LY6S: variants seen among roughly 807,000 people sequenced by gnomAD.
LY6S encodes lymphocyte antigen 6S.
chr8:143,045,044 G>A, the LY6S span, among the ~76,000 whole-genome samples: 1 of 152,182 alleles, frequency 6.6e-6, no homozygotes, highest in African/African-American at 2.4e-5. The surrounding 1 kb of genome is among the most constrained non-coding windows in gnomAD (Gnocchi z 5.3). Flanking sequence ...CAATGCCAAA[G>A]GCATACACGT....
chr8:143,074,479 T>G, the LY6S span, among the ~76,000 whole-genome samples: 1 of 152,220 alleles, frequency 6.6e-6, no homozygotes, highest in Non-Finnish European at 1.5e-5. Flanking sequence ...CAATGAGTTC[T>G]TAATTTCAGG....
At chr8:143,070,326 G>C in the LY6S span, among the ~76,000 whole-genome samples, 1,389 of 145,660 alleles carry the variant, frequency 9.5e-3, 25 homozygotes, top group African/African-American at 0.034. Context: ...GGGGGGCACA[G>C]TTCAGCCATA....
chr8:143,048,428 G>T, the LY6S span, among the ~76,000 whole-genome samples: 1 of 150,838 alleles, frequency 6.6e-6, no homozygotes. Flanking sequence ...CGTGGCCATT[G>T]TGATTTATTG....
At chr8:143,060,862 T>C in the LY6S span, among the ~76,000 whole-genome samples, 2 of 152,184 alleles carry the variant, frequency 1.3e-5, no homozygotes, top group African/African-American at 2.4e-5. Context: ...AAGATGCATA[T>C]TGTAATGTCT....
At chr8:143,063,075 G>A in the LY6S span, among the ~76,000 whole-genome samples, 16 of 152,134 alleles carry the variant, frequency 1.1e-4, no homozygotes, top group Admixed American at 7.2e-4. Context: ...AAGTTCTGCC[G>A]AGTTCACAGG....
At chr8:143,062,522 A>G in the LY6S span, among the ~76,000 whole-genome samples, 1 of 152,104 alleles carries the variant, frequency 6.6e-6, no homozygotes, top group East Asian at 1.9e-4. Flanking sequence ...AATACACAAA[A>G]AATTAGCTGG....
the LY6S span, among the ~76,000 whole-genome samples, chr8:143,071,443 G>GA: frequency 6.6e-6 from 1 of 152,194 alleles, no homozygotes; most frequent in Non-Finnish European, 1.5e-5. Context: ...ACAACACAAA[G>GA]AGTGAGCCCT....
the LY6S span, among the ~76,000 whole-genome samples, chr8:143,072,547 C>T: frequency 1.4e-5 from 2 of 143,580 alleles, no homozygotes; most frequent in Non-Finnish European, 3.0e-5. Flanking sequence ...AGCCGTCGTC[C>T]TCGTGGTCCC....
chr8:143,058,735 C>T, the LY6S span, among the ~76,000 whole-genome samples: 6 of 145,464 alleles, frequency 4.1e-5, no homozygotes, highest in African/African-American at 9.7e-5. Flanking sequence ...TGCTAAGTAG[C>T]GGGTGTTTTT....
the LY6S span, among the ~76,000 whole-genome samples, chr8:143,068,205 G>A: frequency 5.3e-5 from 8 of 152,206 alleles, no homozygotes; most frequent in African/African-American, 9.6e-5. Flanking sequence ...GGAGAATGGC[G>A]ATGACTTTTA....
At chr8:143,071,914 C>T in the LY6S span, among the ~76,000 whole-genome samples, 1 of 152,102 alleles carries the variant, frequency 6.6e-6, no homozygotes, top group African/African-American at 2.4e-5. Context: ...GTGCTGGGTT[C>T]AAGGTTACAA....
the LY6S span, among the ~76,000 whole-genome samples, chr8:143,070,457 TA>T: frequency 1.3e-3 from 60 of 45,320 alleles, 2 homozygotes; most frequent in African/African-American, 4.1e-3. Context: ...TATATATATA[TA>T]TATATAATAT....
At chr8:143,061,011 G>C in the LY6S span, among the ~76,000 whole-genome samples, 1 of 152,110 alleles carries the variant, frequency 6.6e-6, no homozygotes, top group Non-Finnish European at 1.5e-5. Context: ...TGAAATGGAA[G>C]GTTTTAACCC....
the LY6S span, chr8:143,057,499 C>T: frequency 2.8e-3 from 1,998 of 709,970 alleles, 32 homozygotes; most frequent in East Asian, 0.04. Flanking sequence ...CCGCCCGCCC[C>T]GGCCTCCCAA....
the LY6S span, among the ~76,000 whole-genome samples, chr8:143,071,196 GCA>G: frequency 6.9e-5 from 4 of 58,324 alleles, no homozygotes; most frequent in African/African-American, 2.6e-4. Flanking sequence ...AGACCCGGCA[GCA>G]TGGATGTTGG....
the LY6S span, among the ~76,000 whole-genome samples, chr8:143,052,236 G>C: frequency 4.6e-5 from 7 of 152,100 alleles, no homozygotes; most frequent in South Asian, 6.2e-4. Context: ...AGCCGAGATC[G>C]CACCACTGCA....
chr8:143,066,573 T>G, the LY6S span: 1 of 305,510 alleles, frequency 3.3e-6, no homozygotes, highest in Non-Finnish European at 6.6e-6. Context: ...CATTGTTCCT[T>G]CTTTTCTTTG....
the LY6S span, among the ~76,000 whole-genome samples, chr8:143,059,404 T>G: frequency 6.6e-6 from 1 of 152,166 alleles, no homozygotes; most frequent in African/African-American, 2.4e-5. Context: ...CTGACGGTTT[T>G]TTTTTTAGAC....
chr8:143,048,999 C>T, the LY6S span, among the ~76,000 whole-genome samples: 1 of 152,134 alleles, frequency 6.6e-6, no homozygotes. Flanking sequence ...GACGTTGGGC[C>T]CCCCAGCCAG....
Sources: gnomAD v4.1 joint callset for allele counts (sites outside exome capture counted in the v4.1 genomes callset) on GRCh38, gnomAD v4.1.1 for gene constraint, Gnocchi (gnomAD v3.1) non-coding constraint, MANE v1.5 for transcripts, NCBI Gene and HGNC (gene_info 2026-07-23, HGNC 2026-07-21) for gene names.